Variants in NEK6 observed in about 807,000 individuals in gnomAD.
The protein encoded by NEK6 is serine/threonine-protein kinase Nek6.
A neutral mutation model predicts 43.5 loss-of-function variants in NEK6; 27 were observed. The ratio of observed to expected loss-of-function variants is 0.62; its 90% CI spans 0.46 to 0.86. NEK6 has a LOEUF of 0.86. NEK6 is among the 40% of genes least tolerant of loss of function. NEK6 has a pLI of 0.00. For synonymous variants in NEK6, 167 were observed against 164.1 expected (o/e 1.02, Z -0.14); for missense variants, 318 against 414.4 (o/e 0.77, Z 2.02).
At position 124,265,287 on chromosome 9, in the gene NEK6, G is replaced by T. The variant is rs1355973245; in HGVS notation, c.-30+7202G>T. 5.9e-5 allele frequency among the ~76,000 whole-genome samples: 9 copies of T among 152,342 alleles called. No homozygotes were observed. In the South Asian group the frequency reaches 1.9e-3, roughly 32 times the overall value. On this transcript the variant is annotated intron_variant, in intron 1 of 9. Transcript: ENST00000320246. ...GCCTGTAATCCCAGCACTTTGGGAG[G>T]CCGAGGCAGGCGGATCACGAGCTCA...
Position 124,286,731 on chromosome 9 carries a change from G to A in NEK6, c.-29-15205G>A, listed in dbSNP as rs530029663. 8.5e-5 allele frequency among the ~76,000 whole-genome samples: 13 copies of A among 152,356 alleles called. No individual in the cohort carries two copies. The East Asian group carries it at 2.3e-3, about 27-fold the overall frequency. On this transcript the variant is annotated intron_variant, in intron 1 of 9. Coordinates refer to ENST00000320246, the MANE Select transcript of NEK6 (RefSeq NM_014397.6). ...CTGCAGGCCCCAGGGCATTAGACCTGAGGGGCCTGGTCACCTTCTGATTTC... is the reference window on the plus strand; with the variant it reads ...CTGCAGGCCCCAGGGCATTAGACCTAAGGGGCCTGGTCACCTTCTGATTTC...
rs1162520112 is a variant in NEK6 at position 124,313,911 on chromosome 9, C to T, written c.232-12C>T. 1 of 1,614,070 alleles carries T rather than the reference C, an allele frequency of 6.2e-7. No homozygotes were observed. Among genetic ancestry groups the T allele is most frequent in the Non-Finnish European group, 8.5e-7 (1 of 1,179,950 alleles). Reference sequence around the variant, plus strand: ...TGTAACCACTCTATTTCTCTTTTTCCTCCCGCCCAAGATCTTTGAGATGAT... The same window carrying T: ...TGTAACCACTCTATTTCTCTTTTTCTTCCCGCCCAAGATCTTTGAGATGAT... On this transcript the variant is annotated splice_polypyrimidine_tract_variant and intron_variant, in intron 3 of 9. Transcript: ENST00000320246.
intron 9 of NEK6, 68 bp from the exon 10 acceptor site, chr9:124,350,769 G>C (rs1326367369): frequency 7.3e-6 from 8 of 1,091,050 alleles, no homozygotes; most frequent in Non-Finnish European, 1.1e-5. Context: ...CATGCAGACA[G>C]ACTGTGGAGT....
intron 2 of NEK6, among the ~76,000 whole-genome samples, chr9:124,308,217 C>T (rs1174879265): frequency 6.6e-6 from 1 of 152,170 alleles, no homozygotes; most frequent in Non-Finnish European, 1.5e-5. Flanking sequence ...CCTCCAGGCC[C>T]CAGCATTGGA....
chr9:124,312,738 C>G, intron 3 of NEK6, 89 bp downstream of exon 3: 1 of 1,383,276 alleles, frequency 7.2e-7, no homozygotes, highest in Non-Finnish European at 9.8e-7. Flanking sequence ...CCTTCTCTCC[C>G]CTCTTCTGTG....
chr9:124,320,132 G>T (rs1201161094), intron 4 of NEK6, among the ~76,000 whole-genome samples: 1 of 152,236 alleles, frequency 6.6e-6, no homozygotes, highest in Non-Finnish European at 1.5e-5. Context: ...CCACAGCGCT[G>T]CTGGCTGAGG....
intron 9 of NEK6, among the ~76,000 whole-genome samples, chr9:124,349,910 G>A (rs1830160578): frequency 6.6e-6 from 1 of 152,210 alleles, no homozygotes; most frequent in South Asian, 2.1e-4. Context: ...AGGCTCTGTG[G>A]CCCAGGGAGA....
intron 1 of NEK6, among the ~76,000 whole-genome samples, chr9:124,269,458 C>G (rs1025093714): frequency 2.6e-5 from 4 of 152,012 alleles, no homozygotes; most frequent in African/African-American, 9.7e-5. Context: ...ACCGCAACCT[C>G]TGCCTCCCGG....
chr9:124,266,712 A>G (rs894259122), intron 1 of NEK6, among the ~76,000 whole-genome samples: 5 of 152,196 alleles, frequency 3.3e-5, no homozygotes, highest in Non-Finnish European at 4.4e-5. Context: ...GAGGAGCTCA[A>G]TTAATATTTG....
chr9:124,292,714 C>G, intron 1 of NEK6: 1 of 1,144,108 alleles, frequency 8.7e-7, no homozygotes, highest in Non-Finnish European at 1.2e-6. Context: ...CTCGGGGGGC[C>G]AGGCTTCTCC....
At chr9:124,262,668 AT>A (rs1273738293) in intron 1 of NEK6, among the ~76,000 whole-genome samples, 4 of 152,234 alleles carry the variant, frequency 2.6e-5, no homozygotes, top group African/African-American at 9.6e-5. Context: ...GGCCATGGGA[AT>A]TGAAAGATGG....
intron 5 of NEK6, among the ~76,000 whole-genome samples, chr9:124,322,482 G>A (rs574703199): frequency 4.3e-4 from 66 of 152,228 alleles, no homozygotes; most frequent in African/African-American, 1.5e-3. Flanking sequence ...AGTCCCCGCC[G>A]TCCTCAAATA....
chr9:124,273,224 C>T (rs1242779985), intron 1 of NEK6, among the ~76,000 whole-genome samples: 1 of 152,148 alleles, frequency 6.6e-6, no homozygotes, highest in Admixed American at 6.5e-5. Flanking sequence ...CAGCCCCGGG[C>T]GGCCTTATTC....
chr9:124,307,999 G>A (rs141374396), intron 2 of NEK6, among the ~76,000 whole-genome samples: 12 of 152,296 alleles, frequency 7.9e-5, no homozygotes, highest in East Asian at 5.8e-4. Flanking sequence ...CACAATCACC[G>A]TCACCACGAC....
chr9:124,324,803 G>T lies in NEK6; in HGVS notation c.406-1527G>T, dbSNP rs1834253022. ...AGCACCCAGACCTGGGTCCCAGCTGGGTGCTGGGTGACCTTGGGCATGTTC... is the reference window on the plus strand; with the variant it reads ...AGCACCCAGACCTGGGTCCCAGCTGTGTGCTGGGTGACCTTGGGCATGTTC... On this transcript the variant is annotated intron_variant, in intron 5 of 9. Transcript: ENST00000320246. The surrounding 1 kb of genome is among the most constrained non-coding windows in gnomAD (Gnocchi z 5.3). 1.3e-5 allele frequency among the ~76,000 whole-genome samples: 2 copies of T among 152,124 alleles called. No homozygotes were observed.
At chr9:124,345,718 A>G (rs1404458078) in intron 8 of NEK6, among the ~76,000 whole-genome samples, 1 of 152,216 alleles carries the variant, frequency 6.6e-6, no homozygotes, top group South Asian at 2.1e-4. Context: ...GCTGCACAGT[A>G]ACAGTCCAGG....
intron 4 of NEK6, among the ~76,000 whole-genome samples, chr9:124,319,165 A>C (rs1833948612): frequency 6.6e-6 from 1 of 151,354 alleles, no homozygotes; most frequent in South Asian, 2.1e-4. Flanking sequence ...TCGTATTTTT[A>C]GTAGAAATGG....
intron 1 of NEK6, among the ~76,000 whole-genome samples, chr9:124,278,581 T>A (rs1831747762): frequency 6.6e-6 from 1 of 152,118 alleles, no homozygotes; most frequent in African/African-American, 2.4e-5. Context: ...AACAGGGGGC[T>A]CAGCCACACC....
Position 124,258,009 on chromosome 9 carries a change from TG to T in NEK6, c.-105del, listed in dbSNP as rs1442153751. The T allele has an allele frequency of 5.5e-4, 535 of 977,538 alleles. 1 individual carries two copies. The African/African-American group carries it at 9.2e-3, about 17-fold the overall frequency. The allele number at this position is 977,538 out of a possible 1,614,324, so 60.6% of individuals were successfully genotyped here. ...GTGCGGCCGCTGCGCCGCAAACTCGTGTGGGACGCACCGCTCCAGCCGCCCG... is the reference window on the plus strand; with the variant it reads ...GTGCGGCCGCTGCGCCGCAAACTCGTTGGGACGCACCGCTCCAGCCGCCCG... On this transcript the variant is annotated 5_prime_UTR_variant, in exon 1 of 10. Transcript: ENST00000320246.
Sources: allele counts gnomAD v4.1 joint callset (sites outside exome capture counted in the v4.1 genomes callset), GRCh38; gene constraint gnomAD v4.1.1; non-coding constraint Gnocchi (gnomAD v3.1); transcripts MANE v1.5; gene names NCBI Gene and HGNC (gene_info 2026-07-23, HGNC 2026-07-21).